The following DBH variants were observed in gnomAD, a reference collection of about 807,000 sequenced individuals.
DBH encodes the protein dopamine beta-hydroxylase (dopamine beta-monooxygenase).
A neutral mutation model predicts 64.0 loss-of-function variants in DBH; 49 were observed. The ratio of observed to expected loss-of-function variants is 0.77; its 90% CI spans 0.61 to 0.97. The LOEUF is 0.97. DBH is among the 50% of genes least tolerant of loss of function. The pLI is 0.00. For missense variants in DBH, 828 were observed against 826.6 expected (o/e 1.00, Z -0.02); for synonymous variants, 343 against 347.1 (o/e 0.99, Z 0.13).
At chr9:133,652,211 TC>T in intron 7 of DBH, 34 bp from the exon 8 acceptor site, 1 of 1,613,256 alleles carries the variant, frequency 6.2e-7, no homozygotes, top group South Asian at 1.1e-5. Flanking sequence ...CTCTGAGGTC[TC>T]CTCTCCCCCA....
At chr9:133,644,393 C>T (rs1832157433) in intron 5 of DBH, 73 bp downstream of exon 5, 1 of 1,225,514 alleles carries the variant, frequency 8.2e-7, no homozygotes, top group East Asian at 2.3e-5. Context: ...GCAAATCCCG[C>T]CCTTCGTCTG....
intron 1 of DBH, among the ~76,000 whole-genome samples, chr9:133,638,249 A>G (rs144537120): frequency 1.3e-5 from 2 of 152,384 alleles, no homozygotes; most frequent in East Asian, 3.9e-4. Flanking sequence ...GAAATATCAC[A>G]GGCGAACTTT....
At chr9:133,654,745 G>C (rs1832293423) in intron 9 of DBH, 1 of 152,388 alleles carries the variant, frequency 6.6e-6, no homozygotes, top group Non-Finnish European at 1.5e-5. Flanking sequence ...AGGAGATACA[G>C]TGAGGTCCAG....
At chr9:133,637,086 C>T (rs752124779) in intron 1 of DBH, among the ~76,000 whole-genome samples, 6 of 152,236 alleles carry the variant, frequency 3.9e-5, no homozygotes, top group Non-Finnish European at 5.9e-5. Context: ...CCTAGTACCA[C>T]GTCCCCAGAG....
At position 133,643,445 on chromosome 9, in the gene DBH, C is replaced by A. The variant is rs775488186; in HGVS notation, c.777C>A (p.Ala259=). ...CCATCGTCACCAAGGGCAATGAGGC[C>A]CTTGTCCACCACATGGAAGTCTTCC... ...YEPIVTKGNE[A]LVHHMEVFQC... Residue 259 remains alanine, a synonymous_variant, in exon 4 of 12, where the codon GCC becomes GCA. Coordinates refer to ENST00000393056, the MANE Select transcript of DBH (RefSeq NM_000787.4). This position sits in a 1 kb window ranked among gnomAD's most constrained non-coding sequence, Gnocchi z 5.3. 14 of 1,613,978 alleles carry A rather than the reference C, an allele frequency of 8.7e-6. No homozygotes were observed. In the South Asian group the frequency reaches 1.5e-4, roughly 18 times the overall value.
At chr9:133,657,424 GGA>G (rs142829983) in intron 11 of DBH, 195 bp downstream of exon 11, 10,320 of 453,686 alleles carry the variant, frequency 0.023, 631 homozygotes, top group Admixed American at 0.042. Flanking sequence ...AGGAGAGAGA[GGA>G]GAGAGAGGAG....
In DBH at chr9:133,656,753, T is replaced by C. The variant is rs970154871; in HGVS notation, c.1562+103T>C. ...GATTGGAGGAGTCCAGGCTAAGTTC[T>C]AGGAGCAGAGACCTGTGGCGGCATC... On this transcript the variant is annotated intron_variant, in intron 10 of 11. Coordinates refer to ENST00000393056, the MANE Select transcript of DBH (RefSeq NM_000787.4). 5 of 1,431,060 alleles carry C rather than the reference T, an allele frequency of 3.5e-6. No homozygotes were observed. The Admixed American group carries it at 7.2e-5, about 21-fold the overall frequency. 88.6% of individuals were successfully genotyped at this position (1,431,060 alleles called of 1,614,324 possible).
rs1299740320 is a variant in DBH at position 133,643,648 on chromosome 9, CCT to C, written c.921+62_921+63del. ...TGCCTGGGCCCCTGGCATCCCCACA[CCT>C]CTGTTTCCCCAGCTTCACCGTCTCA... On this transcript the variant is annotated intron_variant, in intron 4 of 11. Coordinates refer to ENST00000393056, the MANE Select transcript of DBH (RefSeq NM_000787.4). The surrounding 1 kb of genome is among the most constrained non-coding windows in gnomAD (Gnocchi z 5.3). The C allele has an allele frequency of 1.3e-6, 2 of 1,582,736 alleles. No individual in the cohort carries two copies. The highest frequency in any genetic ancestry group is 2.7e-5 in the African/African-American group (2 of 74,254).
chr9:133,656,503 G>C lies in DBH; in HGVS notation c.1435-20G>C, dbSNP rs758168603. ...CTGCGTGGCATGGCCCGGGGCTGAC[G>C]GGTCTCCTCCAACTTGCAGGGGGGC... is the stretch of plus-strand genomic sequence containing the variant. On this transcript the variant is annotated intron_variant, in intron 9 of 11. Coordinates refer to ENST00000393056, the MANE Select transcript of DBH (RefSeq NM_000787.4). 1.2e-6 allele frequency: 2 copies of C among 1,613,508 alleles called. 1 individual carries two copies. The highest frequency in any genetic ancestry group is 2.2e-5 in the South Asian group (2 of 91,024).
intron 6 of DBH, among the ~76,000 whole-genome samples, chr9:133,650,551 C>CTTTTTTTTTTTTTTTTT (rs5901024): frequency 8.9e-6 from 1 of 112,390 alleles, no homozygotes; most frequent in African/African-American, 3.4e-5. Context: ...TCCTTCCTTT[C>CTTTTTTTTTTTTTTTTT]TTTTTTTTTT....
chr9:133,655,946 C>G (rs776928297), intron 9 of DBH: 1 of 159,412 alleles, frequency 6.3e-6, no homozygotes, highest in Non-Finnish European at 1.4e-5. Context: ...GATGGCAGGC[C>G]GTAGGGTTGC....
In DBH at chr9:133,657,364, G is replaced by A. The variant is rs1003007791; in HGVS notation, c.1722+135G>A. ...AAGACAATGAGAGCAAGTGCCAGGT[G>A]GTGACACATAGGCCTAGACAGCCAG... On this transcript the variant is annotated intron_variant, in intron 11 of 11. Transcript: ENST00000393056. 1.2e-5 allele frequency: 13 copies of A among 1,076,274 alleles called. No individual in the cohort carries two copies. The African/African-American group carries it at 1.4e-4, about 12-fold the overall frequency. 66.7% of individuals were successfully genotyped at this position (1,076,274 alleles called of 1,614,324 possible). A position where few individuals can be genotyped will look rare whatever the true frequency, so the allele number is the denominator to read the frequency against.
At chr9:133,637,770 C>CCCAA (rs1564207446) in intron 1 of DBH, among the ~76,000 whole-genome samples, 44 of 152,314 alleles carry the variant, frequency 2.9e-4, no homozygotes, top group African/African-American at 1.0e-3. Context: ...TCCCAAGACT[C>CCCAA]GGCCAGGAGG....
At position 133,642,389 on chromosome 9, in the gene DBH, C is replaced by G; in HGVS notation, c.669C>G (p.Ile223Met). ...TMEVQAPNIQ[I>M]PSQETTYWCY... Reference sequence around the variant, plus strand: ...AGGTCCAAGCTCCCAATATCCAGATCCCCAGCCAGGAGACCACGTACTGGT... The same window carrying G: ...AGGTCCAAGCTCCCAATATCCAGATGCCCAGCCAGGAGACCACGTACTGGT... Residue 223 changes from isoleucine (I) to methionine (M), a missense_variant, in exon 3 of 12, where the codon ATC becomes ATG. Physicochemically the swap from Ile to Met is conservative, Grantham distance 10 (BLOSUM62 1). Coordinates refer to ENST00000393056, the MANE Select transcript of DBH (RefSeq NM_000787.4). The G allele has an allele frequency of 6.2e-7, 1 of 1,614,118 alleles. No homozygotes were observed. Among genetic ancestry groups the G allele is most frequent in the Non-Finnish European group, 8.5e-7 (1 of 1,179,976 alleles).
At chr9:133,656,867 C>G (rs562942994) in intron 10 of DBH, among the ~76,000 whole-genome samples, 13 of 152,320 alleles carry the variant, frequency 8.5e-5, no homozygotes, top group Admixed American at 2.6e-4. Flanking sequence ...ATTACCCACC[C>G]GCCAAGGTGA....
Position 133,652,269 on chromosome 9 carries a change from C to G in DBH, c.1359C>G (p.Val453=), listed in dbSNP as rs779140579. The part of the protein sequence containing the change: ...HFQEIRMLKK[V]VSVHPGDVLI... ...AGGAGATCCGCATGTTGAAGAAGGT[C>G]GTGTCGGTCCATCCGGTGAGTGCCC... The change falls in exon 8 of 12, where the codon GTC becomes GTG. Residue 453 remains valine, a synonymous_variant. Transcript: ENST00000393056. 2.3e-5 allele frequency: 37 copies of G among 1,613,558 alleles called. No homozygotes were observed. The highest frequency in any genetic ancestry group is 3.1e-5 in the Non-Finnish European group (37 of 1,180,034).
At chr9:133,651,995 G>A (rs952849007) in intron 7 of DBH, among the ~76,000 whole-genome samples, 3 of 152,182 alleles carry the variant, frequency 2.0e-5, no homozygotes, top group Non-Finnish European at 2.9e-5. Flanking sequence ...ATGGTGGTGG[G>A]ATTCGGGAGA....
Position 133,656,740 on chromosome 9 carries a change from C to G in DBH, c.1562+90C>G, listed in dbSNP as rs1487265702. ...AGGCGGCTGGGCAGATTGGAGGAGTCCAGGCTAAGTTCTAGGAGCAGAGAC... is the reference window on the plus strand; with the variant it reads ...AGGCGGCTGGGCAGATTGGAGGAGTGCAGGCTAAGTTCTAGGAGCAGAGAC... On this transcript the variant is annotated intron_variant, in intron 10 of 11. Coordinates refer to ENST00000393056, the MANE Select transcript of DBH (RefSeq NM_000787.4). 2.6e-5 allele frequency: 39 copies of G among 1,508,576 alleles called. 2 individuals carry two copies. The Admixed American group carries it at 6.8e-4, about 26-fold the overall frequency. 93.4% of individuals were successfully genotyped at this position (1,508,576 alleles called of 1,614,324 possible).
At chr9:133,657,310 C>A (rs1832337173) in intron 11 of DBH, 81 bp downstream of exon 11, 1 of 1,551,896 alleles carries the variant, frequency 6.4e-7, no homozygotes, top group Non-Finnish European at 8.8e-7. Flanking sequence ...TGGGTCTGCA[C>A]TCCAAACTGC....
Sources: allele counts gnomAD v4.1 joint callset (sites outside exome capture counted in the v4.1 genomes callset), GRCh38; gene constraint gnomAD v4.1.1; non-coding constraint Gnocchi (gnomAD v3.1); transcripts MANE v1.5; gene names NCBI Gene and HGNC (gene_info 2026-07-23, HGNC 2026-07-21).